KIAA1217: variants seen among roughly 807,000 people sequenced by gnomAD.
KIAA1217 encodes KIAA1217, also known as sickle tail protein homolog.
KIAA1217 carries 88 observed loss-of-function variants against 163.9 expected under a neutral mutation model. That is an observed-to-expected ratio of 0.54 (90% CI 0.45 to 0.64). The LOEUF is 0.64. Among genes scored for constraint, KIAA1217 ranks in the 30% least tolerant of loss-of-function variants. The pLI is 0.00. For synonymous variants in KIAA1217, 903 were observed against 923.1 expected (o/e 0.98, Z 0.39); for missense variants, 2,372 against 2,475.0 (o/e 0.96, Z 0.88).
chr10:24,244,264 C>CG (rs2073481787), intron 2 of KIAA1217, among the ~76,000 whole-genome samples: 1 of 152,088 alleles, frequency 6.6e-6, no homozygotes, highest in African/African-American at 2.4e-5. Flanking sequence ...GGCTGGCTAC[C>CG]GGGGAGGTAG....
At chr10:23,891,858 T>A (rs56697747) in intron 1 of KIAA1217, among the ~76,000 whole-genome samples, 2,959 of 152,084 alleles carry the variant, frequency 0.019, 100 homozygotes, top group African/African-American at 0.065. Context: ...AATATATGCT[T>A]CTGTACTTCA....
At chr10:24,476,758 T>C (rs1201127532) in intron 6 of KIAA1217, among the ~76,000 whole-genome samples, 1 of 152,100 alleles carries the variant, frequency 6.6e-6, no homozygotes, top group East Asian at 1.9e-4. Flanking sequence ...ATTGGAATGC[T>C]TGGGTATATG....
intron 1 of KIAA1217, among the ~76,000 whole-genome samples, chr10:23,906,376 G>T (rs1214405319): frequency 1.3e-5 from 2 of 151,686 alleles, no homozygotes; most frequent in Non-Finnish European, 2.9e-5. Context: ...CTACTTTCTT[G>T]GAATATCCAA....
chr10:24,374,717 A>C (rs1336185870), intron 2 of KIAA1217, among the ~76,000 whole-genome samples: 1 of 152,208 alleles, frequency 6.6e-6, no homozygotes, highest in Admixed American at 6.5e-5. Context: ...CATAAGCCAC[A>C]GAAGCCGTGG....
intron 2 of KIAA1217, among the ~76,000 whole-genome samples, chr10:24,106,065 A>G (rs1249108091): frequency 6.6e-6 from 1 of 152,070 alleles, no homozygotes; most frequent in Admixed American, 6.5e-5. Flanking sequence ...GGATTTTGAC[A>G]ATGGGATTTT....
intron 2 of KIAA1217, among the ~76,000 whole-genome samples, chr10:24,375,092 C>G (rs2052291213): frequency 6.6e-6 from 1 of 152,158 alleles, no homozygotes; most frequent in Non-Finnish European, 1.5e-5. Flanking sequence ...GACCCCAGGG[C>G]TCGCTGTTCG....
chr10:23,839,286 T>G (rs2131062119), intron 1 of KIAA1217, among the ~76,000 whole-genome samples: 1 of 152,320 alleles, frequency 6.6e-6, no homozygotes, highest in South Asian at 2.1e-4. Context: ...GCTGACAATC[T>G]TCTTGTGAAT....
intron 6 of KIAA1217, among the ~76,000 whole-genome samples, chr10:24,490,637 C>T (rs2065986988): frequency 6.6e-6 from 1 of 152,234 alleles, no homozygotes; most frequent in African/African-American, 2.4e-5. Context: ...AATGTTTTCT[C>T]ATTACCATAT....
Position 24,250,375 on chromosome 10 carries a change from A to G in KIAA1217, c.354+30466A>G, listed in dbSNP as rs375747614. On this transcript the variant is annotated intron_variant, in intron 2 of 20. Transcript: ENST00000376454. ...TGACTCCCAAACACACAGAATGCAC[A>G]TTGGCAACAATTTTACGCGTGTTTC... 8.0e-4 allele frequency among the ~76,000 whole-genome samples: 122 copies of G among 151,690 alleles called. 1 individual carries two copies. The highest frequency in any genetic ancestry group is 2.8e-3 in the African/African-American group (117 of 41,346).
intron 2 of KIAA1217, among the ~76,000 whole-genome samples, chr10:24,303,686 A>T (rs11014011): frequency 0.029 from 4,428 of 152,256 alleles, 233 homozygotes; most frequent in African/African-American, 0.1. Context: ...GACAGACTAC[A>T]TTCGAAGTTC....
At chr10:24,420,303 G>T (rs536367871) in intron 3 of KIAA1217, among the ~76,000 whole-genome samples, 49 of 152,090 alleles carry the variant, frequency 3.2e-4, no homozygotes, top group Middle Eastern at 3.4e-3. Context: ...CTAATTTATT[G>T]GCCACTGGAG....
intron 2 of KIAA1217, among the ~76,000 whole-genome samples, chr10:24,355,779 C>T (rs1256242612): frequency 2.5e-5 from 2 of 81,244 alleles, no homozygotes; most frequent in East Asian, 4.0e-4. Flanking sequence ...GACAGAGTCT[C>T]ACTCTGTCTC....
chr10:24,348,648 A>G (rs2048089758), intron 2 of KIAA1217, among the ~76,000 whole-genome samples: 1 of 152,206 alleles, frequency 6.6e-6, no homozygotes, highest in African/African-American at 2.4e-5. Context: ...GAAGAAATGT[A>G]TACATATCAG....
intron 2 of KIAA1217, among the ~76,000 whole-genome samples, chr10:24,349,801 G>C (rs1350722973): frequency 1.3e-5 from 2 of 152,220 alleles, no homozygotes; most frequent in Non-Finnish European, 2.9e-5. Context: ...AAAAAGAAAG[G>C]AATATCTCTC....
At chr10:24,195,457 C>T (rs1239750295) in intron 2 of KIAA1217, among the ~76,000 whole-genome samples, 3 of 152,020 alleles carry the variant, frequency 2.0e-5, no homozygotes, top group African/African-American at 4.8e-5. Flanking sequence ...CTTTTGTGGA[C>T]GAGGCAGCCA....
intron 3 of KIAA1217, among the ~76,000 whole-genome samples, chr10:24,409,089 A>G (rs1241082457): frequency 6.6e-6 from 1 of 152,208 alleles, no homozygotes. Context: ...TTACATACAC[A>G]GTCTTATTTG....
chr10:24,031,359 G>A (rs1340183350), intron 2 of KIAA1217, among the ~76,000 whole-genome samples: 1 of 152,116 alleles, frequency 6.6e-6, no homozygotes, highest in Non-Finnish European at 1.5e-5. Context: ...GGAGTGCAGT[G>A]GCACAATTAC....
At chr10:23,747,792 G>T (rs1354148456) in intron 1 of KIAA1217, among the ~76,000 whole-genome samples, 2 of 152,120 alleles carry the variant, frequency 1.3e-5, no homozygotes, top group Admixed American at 1.3e-4. Flanking sequence ...TGAGCTCCGG[G>T]GATTGTTTCT....
intron 1 of KIAA1217, among the ~76,000 whole-genome samples, chr10:23,896,629 C>T (rs1841715042): frequency 6.6e-6 from 1 of 152,056 alleles, no homozygotes; most frequent in Non-Finnish European, 1.5e-5. Flanking sequence ...ACAAAAACCT[C>T]ATGTTTCACC....
Sources: allele counts gnomAD v4.1 joint callset (sites outside exome capture counted in the v4.1 genomes callset), GRCh38; gene constraint gnomAD v4.1.1; transcripts MANE v1.5; gene names NCBI Gene and HGNC (gene_info 2026-07-23, HGNC 2026-07-21).